The following CDC42SE2 variants were observed in gnomAD, a reference collection of about 807,000 sequenced individuals.
CDC42SE2 encodes the protein CDC42 small effector 2.
Under a neutral mutation model 11.5 loss-of-function variants are expected in CDC42SE2, and 3 were observed. That is an observed-to-expected ratio of 0.26 (90% CI 0.12 to 0.67). The LOEUF is 0.67. Ranked by LOEUF, CDC42SE2 falls within the 30% of genes least tolerant of loss-of-function variation. CDC42SE2 has a pLI of 0.80. For synonymous variants in CDC42SE2, 33 were observed against 34.8 expected, an observed-to-expected ratio of 0.95 and a Z score of 0.18; for missense variants, 82 against 106.8, an observed-to-expected ratio of 0.77 and a Z score of 1.02.
chr5:131,237,882 G>T, the CDC42SE2 span, among the ~76,000 whole-genome samples: 3 of 152,128 alleles, frequency 2.0e-5, no homozygotes, highest in Non-Finnish European at 1.5e-5. Context: ...GTGAGCCATT[G>T]CACATTGCCT....
intron 2 of CDC42SE2, among the ~76,000 whole-genome samples, chr5:131,324,196 C>T (rs887301184): frequency 2.0e-5 from 3 of 152,010 alleles, no homozygotes; most frequent in Admixed American, 6.6e-5. Flanking sequence ...TATGAATATC[C>T]AGCTGTAGCC....
intron 1 of CDC42SE2, among the ~76,000 whole-genome samples, chr5:131,280,310 T>G (rs1328862520): frequency 6.6e-6 from 1 of 152,188 alleles, no homozygotes; most frequent in African/African-American, 2.4e-5. Context: ...CCCTAAAATA[T>G]AATAACTAGT....
chr5:131,262,049 C>T (rs932690905), upstream of CDC42SE2, among the ~76,000 whole-genome samples: 1 of 151,652 alleles, frequency 6.6e-6, no homozygotes, highest in Non-Finnish European at 1.5e-5. Context: ...ATAATGAATA[C>T]TACCCTTTAT....
chr5:131,339,873 A>G (rs575074502), intron 2 of CDC42SE2, among the ~76,000 whole-genome samples: 2 of 152,242 alleles, frequency 1.3e-5, no homozygotes, highest in South Asian at 2.1e-4. Flanking sequence ...GAGAAAATTA[A>G]TAGGTGGGTT....
intron 1 of CDC42SE2, among the ~76,000 whole-genome samples, chr5:131,310,445 T>C (rs1757879388): frequency 6.6e-6 from 1 of 152,112 alleles, no homozygotes; most frequent in Non-Finnish European, 1.5e-5. Context: ...TGGAGAGTTC[T>C]GTAGATGTCT....
intron 1 of CDC42SE2, among the ~76,000 whole-genome samples, chr5:131,307,285 C>G (rs1214586600): frequency 1.4e-5 from 2 of 140,506 alleles, no homozygotes; most frequent in African/African-American, 5.3e-5. Context: ...TCTCATTGTT[C>G]AGTTCCCACC....
intron 1 of CDC42SE2, among the ~76,000 whole-genome samples, chr5:131,294,355 A>G (rs1757524920): frequency 6.6e-6 from 1 of 152,188 alleles, no homozygotes; most frequent in East Asian, 1.9e-4. Flanking sequence ...ACTGTGACTT[A>G]CTTTGCCTTG....
chr5:131,366,731 A>G (rs1749867673), intron 3 of CDC42SE2, among the ~76,000 whole-genome samples: 6 of 152,228 alleles, frequency 3.9e-5, no homozygotes, highest in Admixed American at 3.9e-4. Context: ...TGGTACAAAA[A>G]TTATAAAACA....
intron 2 of CDC42SE2, among the ~76,000 whole-genome samples, chr5:131,319,834 G>A (rs917164468): frequency 2.0e-5 from 3 of 150,994 alleles, no homozygotes; most frequent in African/African-American, 7.3e-5. Context: ...GGCGGATCAC[G>A]AGGTCAGGAG....
In CDC42SE2 at chr5:131,316,149, G is replaced by A. The variant is rs1758035302; in HGVS notation, c.-286+5G>A. ...TTACTCCATTGCTGAGGAGTGGTAA[G>A]TCTGATAATCTCCACTGATAATTAA... On this transcript the variant is annotated splice_donor_5th_base_variant and intron_variant, in intron 2 of 4. Coordinates refer to ENST00000505065, the MANE Select transcript of CDC42SE2 (RefSeq NM_001375635.1). The A allele has an allele frequency of 1.3e-5, 2 of 152,336 alleles. No individual in the cohort carries two copies. The highest frequency in any genetic ancestry group is 4.1e-4 in the South Asian group (2 of 4,834). 9.4% of individuals were successfully genotyped at this position (152,336 alleles called of 1,614,324 possible).
intron 1 of CDC42SE2, among the ~76,000 whole-genome samples, chr5:131,278,745 CTCCCCTCCCCT>C: frequency 2.4e-4 from 1 of 4,186 alleles, no homozygotes; most frequent in African/African-American, 9.8e-4. Flanking sequence ...TCCCCTCCCC[CTCCCCTCCCCT>C]CTCCTCTCCC....
intron 3 of CDC42SE2, among the ~76,000 whole-genome samples, chr5:131,367,036 A>T (rs1328112578): frequency 1.3e-5 from 2 of 151,310 alleles, no homozygotes; most frequent in African/African-American, 2.4e-5. Flanking sequence ...CAAAAAACAA[A>T]TTTTTTATAT....
chr5:131,320,410 A>AT (rs1758162657), intron 2 of CDC42SE2, among the ~76,000 whole-genome samples: 1 of 147,896 alleles, frequency 6.8e-6, no homozygotes, highest in South Asian at 2.1e-4. Flanking sequence ...AGTAAATAAG[A>AT]TTAAAAAAAA....
intron 2 of CDC42SE2, among the ~76,000 whole-genome samples, chr5:131,339,799 G>C (rs1030562762): frequency 2.3e-4 from 33 of 142,140 alleles, no homozygotes; most frequent in African/African-American, 8.8e-4. Context: ...GACAGAGCAA[G>C]ACCCCATCTC....
At chr5:131,380,413 C>G (rs168707) in intron 3 of CDC42SE2, among the ~76,000 whole-genome samples, 2 of 152,188 alleles carry the variant, frequency 1.3e-5, no homozygotes, top group Non-Finnish European at 2.9e-5. Context: ...TCCTGAAGTG[C>G]TGGGATTATA....
At chr5:131,311,541 C>G (rs1041992471) in intron 1 of CDC42SE2, among the ~76,000 whole-genome samples, 5 of 151,992 alleles carry the variant, frequency 3.3e-5, no homozygotes, top group Non-Finnish European at 5.9e-5. Flanking sequence ...AGAGTGTTTT[C>G]CAACTTGGTT....
At chr5:131,321,158 C>A (rs1758178649) in intron 2 of CDC42SE2, among the ~76,000 whole-genome samples, 1 of 152,142 alleles carries the variant, frequency 6.6e-6, no homozygotes, top group Non-Finnish European at 1.5e-5. Context: ...ACATCAGTTT[C>A]ACTTCTTGGA....
intron 2 of CDC42SE2, among the ~76,000 whole-genome samples, chr5:131,345,754 G>A (rs576246375): frequency 1.5e-4 from 23 of 152,320 alleles, no homozygotes; most frequent in African/African-American, 5.3e-4. Context: ...AGAGAGAAAG[G>A]TCGGGTTACC....
chr5:131,365,914 G>A lies in CDC42SE2; in HGVS notation c.54+6367G>A, dbSNP rs562594644. On this transcript the variant is annotated intron_variant, in intron 3 of 4. Coordinates refer to ENST00000505065, the MANE Select transcript of CDC42SE2 (RefSeq NM_001375635.1). Reference sequence around the variant, plus strand: ...GGAGAATGGTGTGAACCCGGGAAGCGGAGCTTGCAGTGAGTGGAGATTGCG... The same window carrying A: ...GGAGAATGGTGTGAACCCGGGAAGCAGAGCTTGCAGTGAGTGGAGATTGCG... Among the ~76,000 whole-genome samples the A allele has an allele frequency of 2.1e-3, 320 of 152,270 alleles. 1 individual carries two copies. The highest frequency in any genetic ancestry group is 3.2e-3 in the Non-Finnish European group (217 of 68,014).
Sources: allele counts gnomAD v4.1 joint callset (sites outside exome capture counted in the v4.1 genomes callset), GRCh38; gene constraint gnomAD v4.1.1; transcripts MANE v1.5; gene names NCBI Gene and HGNC (gene_info 2026-07-23, HGNC 2026-07-21).